The following PIK3CA variants were observed in gnomAD, a reference collection of about 807,000 sequenced individuals.
PIK3CA encodes phosphatidylinositol 4,5-bisphosphate 3-kinase catalytic subunit alpha isoform.
In PIK3CA, 27 loss-of-function variants were observed where a neutral mutation model predicts 138.2. That is an observed-to-expected ratio of 0.20 (90% CI 0.14 to 0.27). The LOEUF (loss-of-function observed/expected upper bound fraction) is 0.27. PIK3CA is among the 10% of genes least tolerant of loss of function. The pLI is 1.00. For synonymous variants in PIK3CA, 358 were observed against 413.2 expected (o/e 0.87, Z 1.62); for missense variants, 544 against 1,277.4 (o/e 0.43, Z 8.75).
intron 9 of PIK3CA, among the ~76,000 whole-genome samples, chr3:179,216,914 C>T (rs1366589210): frequency 6.6e-6 from 1 of 151,876 alleles, no homozygotes; most frequent in African/African-American, 2.4e-5. Flanking sequence ...CTGGAATAAC[C>T]TCTCCCTCCT....
rs139150309 is a variant in PIK3CA, at chr3:179,155,591, C to T, written c.-77+6988C>T. ...AGAACAACTATTTACATAACATTTA[C>T]ATTGTATTAAGTATTAAAAGTAATC... On this transcript the variant is annotated intron_variant, in intron 1 of 20. Coordinates refer to ENST00000263967, the MANE Select transcript of PIK3CA (RefSeq NM_006218.4). Among the ~76,000 whole-genome samples the T allele has an allele frequency of 2.4e-3, 362 of 152,240 alleles. 1 individual carries two copies. Among genetic ancestry groups the T allele is most frequent in the Middle Eastern group, 6.8e-3 (2 of 292 alleles).
At position 179,201,324 on chromosome 3, in the gene PIK3CA, T is replaced by A; in HGVS notation, c.597T>A (p.Ser199=). 6.2e-7 allele frequency: 1 copy of A among 1,612,916 alleles called. No homozygotes were observed. The highest frequency in any genetic ancestry group is 8.5e-7 in the Non-Finnish European group (1 of 1,179,132). Residue 199 remains serine, a synonymous_variant, in exon 4 of 21, where the codon TCT becomes TCA. Coordinates refer to ENST00000263967, the MANE Select transcript of PIK3CA (RefSeq NM_006218.4). ...TAGTGGTGATCTGGGTAATAGTTTC[T>A]CCAAATAATGACAAGCAGAAGTATA... is the stretch of plus-strand genomic sequence containing the variant. ...QIIVVIWVIV[S]PNNDKQKYTL... is the part of the protein sequence containing the mutation.
At chr3:179,200,619 C>G (rs1229067204) in intron 3 of PIK3CA, among the ~76,000 whole-genome samples, 1 of 152,102 alleles carries the variant, frequency 6.6e-6, no homozygotes, top group African/African-American at 2.4e-5. Context: ...CTTTTCTATT[C>G]TAGCATATAT....
chr3:179,204,840 G>A (rs1360034254), intron 6 of PIK3CA, among the ~76,000 whole-genome samples: 1 of 151,454 alleles, frequency 6.6e-6, no homozygotes, highest in Non-Finnish European at 1.5e-5. Context: ...CCAAGATGGA[G>A]AAACCCCATC....
chr3:179,163,730 G>GGGACATGT (rs1243667346), intron 1 of PIK3CA, among the ~76,000 whole-genome samples: 3 of 152,040 alleles, frequency 2.0e-5, no homozygotes, highest in Non-Finnish European at 4.4e-5. Context: ...ACAAGCATAA[G>GGGACATGT]GGACATGTTT....
At position 179,230,049 on chromosome 3, in the gene PIK3CA, C is replaced by T. The variant is rs2108424134; in HGVS notation, c.2712C>T (p.Tyr904=). ...TGTTTACACGTTCATGTGCTGGATA[C>T]TGTGTAGCTACCTTCATTTTGGGAA... ...IDLFTRSCAG[Y]CVATFILGIG... The change falls in exon 19 of 21, where the codon TAC becomes TAT. Residue 904 remains tyrosine, a synonymous_variant. Transcript: ENST00000263967. This position sits in a 1 kb window ranked among gnomAD's most constrained non-coding sequence, Gnocchi z 5.4. 6.2e-7 allele frequency: 1 copy of T among 1,613,368 alleles called. No individual in the cohort carries two copies. The highest frequency in any genetic ancestry group is 8.5e-7 in the Non-Finnish European group (1 of 1,179,502).
chr3:179,218,658 A>AT (rs1337261040), intron 10 of PIK3CA, among the ~76,000 whole-genome samples: 1 of 151,986 alleles, frequency 6.6e-6, no homozygotes, highest in Non-Finnish European at 1.5e-5. Flanking sequence ...AGATATTATA[A>AT]TTTTTAGGGG....
intron 1 of PIK3CA, among the ~76,000 whole-genome samples, chr3:179,153,002 C>T (rs917555382): frequency 6.6e-5 from 10 of 151,846 alleles, no homozygotes; most frequent in African/African-American, 2.4e-4. Flanking sequence ...CTTCATCATT[C>T]TAAAAAAAGG....
chr3:179,195,012 C>CAA (rs11316257), intron 1 of PIK3CA, among the ~76,000 whole-genome samples: 45 of 96,036 alleles, frequency 4.7e-4, no homozygotes, highest in South Asian at 4.2e-3. Context: ...AGGTACTTCT[C>CAA]AAAAAAAAAA....
chr3:179,230,597 A>T lies in PIK3CA; in HGVS notation c.2936+221A>T, dbSNP rs3729694. 0.24 allele frequency among the ~76,000 whole-genome samples: 36,393 copies of T among 151,976 alleles called. 5,097 individuals carry two copies. The highest frequency in any genetic ancestry group is 0.39 in the African/African-American group (15,958 of 41,418). On this transcript the variant is annotated intron_variant, in intron 20 of 20. Coordinates refer to ENST00000263967, the MANE Select transcript of PIK3CA (RefSeq NM_006218.4). The surrounding 1 kb of genome is among the most constrained non-coding windows in gnomAD (Gnocchi z 5.4). ...AGAGAGAATTCATGTCTACAAAAAAATTTAAAAAGTAGCCAGGCGTGGTGG... is the reference window on the plus strand; with the variant it reads ...AGAGAGAATTCATGTCTACAAAAAATTTTAAAAAGTAGCCAGGCGTGGTGG...
At position 179,235,952 on chromosome 3, in the gene PIK3CA, T is replaced by C; in HGVS notation, c.*1588T>C. The C allele has an allele frequency of 4.8e-6, 1 of 209,648 alleles. No homozygotes were observed. The highest frequency in any genetic ancestry group is 9.7e-6 in the Non-Finnish European group (1 of 103,084). The allele number at this position is 209,648 out of a possible 1,614,324, so 13.0% of individuals were successfully genotyped here. A position where few individuals can be genotyped will look rare whatever the true frequency, so the allele number is the denominator to read the frequency against. ...AATGAATGATTAATGTCCTAGGAAA[T>C]TAGCTTTAGCAGATGTCCAGGTGCC... On this transcript the variant is annotated 3_prime_UTR_variant, in exon 21 of 21. Transcript: ENST00000263967.
Position 179,229,452 on chromosome 3 carries a change from A to G in PIK3CA, c.2666+10A>G, listed in dbSNP as rs554685447. On this transcript the variant is annotated intron_variant, in intron 18 of 20. Coordinates refer to ENST00000263967, the MANE Select transcript of PIK3CA (RefSeq NM_006218.4). ...AGAACAAAGGAGAAATGTGAGTTGT[A>G]TTATTCTTTCTTCCTATGTTAATCT... 5 of 1,600,764 alleles carry G rather than the reference A, an allele frequency of 3.1e-6. No homozygotes were observed. The highest frequency in any genetic ancestry group is 1.3e-5 in the African/African-American group (1 of 74,602).
chr3:179,177,669 A>C (rs1723732995), intron 1 of PIK3CA, among the ~76,000 whole-genome samples: 1 of 151,956 alleles, frequency 6.6e-6, no homozygotes, highest in Non-Finnish European at 1.5e-5. Context: ...GAAGAGAAAA[A>C]CCCATTCAGA....
Position 179,230,183 on chromosome 3 carries a change from C to G in PIK3CA, c.2785-42C>G, listed in dbSNP as rs201617603. 3 of 1,559,420 alleles carry G rather than the reference C, an allele frequency of 1.9e-6. No homozygotes were observed. The Admixed American group carries it at 5.1e-5, about 26-fold the overall frequency. ...TTAATTTATTCAAGACATTTTGTAT[C>G]TGCATATATCAAACTATAACATAAT... On this transcript the variant is annotated intron_variant, in intron 19 of 20. Coordinates refer to ENST00000263967, the MANE Select transcript of PIK3CA (RefSeq NM_006218.4). The surrounding 1 kb of genome is among the most constrained non-coding windows in gnomAD (Gnocchi z 5.4).
intron 15 of PIK3CA, among the ~76,000 whole-genome samples, 176 bp from the exon 16 acceptor site, chr3:179,224,524 A>G (rs1316207461): frequency 1.3e-5 from 2 of 152,092 alleles, no homozygotes; most frequent in Non-Finnish European, 2.9e-5. Flanking sequence ...AACTTTTAAA[A>G]CTTTTAGTTT....
chr3:179,182,917 G>A lies in PIK3CA; in HGVS notation c.-76-15833G>A, dbSNP rs533078454. On this transcript the variant is annotated intron_variant, in intron 1 of 20. Transcript: ENST00000263967. Reference sequence around the variant, plus strand: ...AGTATTTTGGCTGTATTGTATTATCGAAAAGATGGATTTTTTAGAAATCTG... The same window carrying A: ...AGTATTTTGGCTGTATTGTATTATCAAAAAGATGGATTTTTTAGAAATCTG... Among the ~76,000 whole-genome samples the A allele has an allele frequency of 6.2e-4, 95 of 152,174 alleles. 1 individual carries two copies. In the Middle Eastern group the frequency reaches 0.01, roughly 16 times the overall value.
chr3:179,197,594 A>G (rs1451021729), intron 1 of PIK3CA, among the ~76,000 whole-genome samples: 1 of 152,238 alleles, frequency 6.6e-6, no homozygotes, highest in African/African-American at 2.4e-5. Flanking sequence ...AGTCCTGGGG[A>G]CAGCACCAAT....
At chr3:179,208,538 A>G (rs765598527) in intron 6 of PIK3CA, among the ~76,000 whole-genome samples, 29 of 152,298 alleles carry the variant, frequency 1.9e-4, no homozygotes, top group Non-Finnish European at 4.0e-4. Context: ...AAAAGGGGAA[A>G]TAAGATTCTA....
intron 1 of PIK3CA, among the ~76,000 whole-genome samples, chr3:179,196,969 G>C (rs920182131): frequency 1.3e-5 from 2 of 152,172 alleles, no homozygotes; most frequent in African/African-American, 4.8e-5. Flanking sequence ...GTGTGAGATG[G>C]AGAGAGGAGT....
Sources: allele counts gnomAD v4.1 joint callset (sites outside exome capture counted in the v4.1 genomes callset), GRCh38; gene constraint gnomAD v4.1.1; non-coding constraint Gnocchi (gnomAD v3.1); transcripts MANE v1.5; gene names NCBI Gene and HGNC (gene_info 2026-07-23, HGNC 2026-07-21).